Variants in SLC9A9 observed in about 807,000 individuals in gnomAD.
SLC9A9 encodes solute carrier family 9 member A9, also known as sodium/hydrogen exchanger 9.
In SLC9A9, 62 loss-of-function variants were observed where a neutral mutation model predicts 77.8. The ratio of observed to expected loss-of-function variants is 0.80; its 90% CI spans 0.65 to 0.98. The LOEUF is 0.98. Ranked by LOEUF, SLC9A9 falls within the 50% of genes least tolerant of loss-of-function variation. The probability of loss-of-function intolerance (pLI) is 0.00; values close to 1 mark genes in which losing one functional copy is unlikely to be tolerated. For synonymous variants in SLC9A9, 320 were observed against 283.5 expected, an observed-to-expected ratio of 1.13 and a Z score of -1.29; for missense variants, 775 against 774.9, an observed-to-expected ratio of 1.00 and a Z score of 0.00.
At chr3:143,785,635 G>A (rs923689094) in intron 4 of SLC9A9, among the ~76,000 whole-genome samples, 3 of 152,060 alleles carry the variant, frequency 2.0e-5, no homozygotes, top group African/African-American at 2.4e-5. Flanking sequence ...ATAGAAATAG[G>A]TAACTGATAT....
intron 6 of SLC9A9, among the ~76,000 whole-genome samples, chr3:143,621,361 C>A (rs955788908): frequency 2.6e-5 from 4 of 152,276 alleles, no homozygotes; most frequent in East Asian, 1.9e-4. Context: ...TGGGAGGCAC[C>A]CCCCAGTAGG....
At chr3:143,652,486 A>C (rs2038814254) in intron 5 of SLC9A9, 126 bp from the exon 6 acceptor site, 2 of 743,700 alleles carry the variant, frequency 2.7e-6, no homozygotes, top group East Asian at 5.4e-5. Flanking sequence ...CTATACTAAC[A>C]CCAGACCTTT....
chr3:143,371,736 G>A (rs2033063759), intron 13 of SLC9A9, among the ~76,000 whole-genome samples: 1 of 152,132 alleles, frequency 6.6e-6, no homozygotes, highest in South Asian at 2.1e-4. Context: ...GCAAGGGAAG[G>A]AAATAAAGGG....
intron 9 of SLC9A9, chr3:143,503,293 C>T (rs2035956842): frequency 3.5e-6 from 1 of 284,306 alleles, no homozygotes; most frequent in South Asian, 3.4e-5. Flanking sequence ...CCATGTGGAC[C>T]ATAAGGCCTC....
At chr3:143,509,206 G>A (rs981609393) in intron 9 of SLC9A9, among the ~76,000 whole-genome samples, 1 of 152,060 alleles carries the variant, frequency 6.6e-6, no homozygotes, top group Admixed American at 6.5e-5. Context: ...CAATGAAAAT[G>A]AAAGACAAAA....
At chr3:143,370,229 C>T (rs73144745) in intron 13 of SLC9A9, among the ~76,000 whole-genome samples, 18,670 of 152,096 alleles carry the variant, frequency 0.12, 1,303 homozygotes, top group East Asian at 0.16. Context: ...ATTGAAATAA[C>T]GATTTGGAAA....
At chr3:143,267,413 A>T (rs1323207629) in intron 15 of SLC9A9, among the ~76,000 whole-genome samples, 3 of 135,340 alleles carry the variant, frequency 2.2e-5, no homozygotes, top group Non-Finnish European at 4.5e-5. Flanking sequence ...CAGTGTTGCG[A>T]TCTCAGCTTA....
chr3:143,267,316 A>G (rs183970976), intron 15 of SLC9A9, among the ~76,000 whole-genome samples: 9 of 152,004 alleles, frequency 5.9e-5, no homozygotes, highest in African/African-American at 1.9e-4. Flanking sequence ...CCTGCCTATC[A>G]AAAAATCCTT....
chr3:143,625,022 A>T (rs1304417092), intron 6 of SLC9A9, among the ~76,000 whole-genome samples: 1 of 152,238 alleles, frequency 6.6e-6, no homozygotes, highest in Non-Finnish European at 1.5e-5. Flanking sequence ...CAATTGCTTC[A>T]AAGAGAATAA....
intron 11 of SLC9A9, among the ~76,000 whole-genome samples, chr3:143,473,848 A>G (rs997348449): frequency 2.0e-5 from 3 of 152,180 alleles, no homozygotes; most frequent in Non-Finnish European, 4.4e-5. Flanking sequence ...GGCCCTCTAG[A>G]TATGGGATGG....
intron 12 of SLC9A9, among the ~76,000 whole-genome samples, chr3:143,432,188 A>G (rs185894953): frequency 1.2e-4 from 19 of 152,326 alleles, no homozygotes; most frequent in Non-Finnish European, 1.9e-4. Context: ...TTTATTTCAA[A>G]TGCTCAGAAC....
chr3:143,278,714 A>T (rs1938125844), intron 14 of SLC9A9, among the ~76,000 whole-genome samples: 1 of 152,186 alleles, frequency 6.6e-6, no homozygotes, highest in Non-Finnish European at 1.5e-5. Flanking sequence ...TTAACTACAT[A>T]TATAAGTGAA....
At chr3:143,831,267 T>C (rs2009428239) in intron 2 of SLC9A9, among the ~76,000 whole-genome samples, 2 of 152,168 alleles carry the variant, frequency 1.3e-5, no homozygotes, top group Admixed American at 1.3e-4. Context: ...ACACACTTGT[T>C]AAACAGGAAT....
At chr3:143,802,023 C>T (rs2008576139) in intron 2 of SLC9A9, among the ~76,000 whole-genome samples, 1 of 152,180 alleles carries the variant, frequency 6.6e-6, no homozygotes, top group Non-Finnish European at 1.5e-5. Context: ...TCCCATTGCC[C>T]TCGGCAACGC....
At chr3:143,406,010 G>A (rs1208745747) in intron 12 of SLC9A9, among the ~76,000 whole-genome samples, 1 of 152,166 alleles carries the variant, frequency 6.6e-6, no homozygotes, top group Admixed American at 6.5e-5. Flanking sequence ...CTGCACAGAG[G>A]CATTCTGGAA....
intron 1 of SLC9A9, among the ~76,000 whole-genome samples, chr3:143,844,839 G>A (rs1187261380): frequency 6.7e-6 from 1 of 150,358 alleles, no homozygotes; most frequent in Admixed American, 6.7e-5. Flanking sequence ...CTGGAGTGAA[G>A]TGGCACAATC....
At chr3:143,354,591 G>A (rs2032541757) in intron 14 of SLC9A9, among the ~76,000 whole-genome samples, 1 of 152,190 alleles carries the variant, frequency 6.6e-6, no homozygotes, top group East Asian at 1.9e-4. Context: ...TCATGAGCTT[G>A]TTGGCAGCCT....
chr3:143,489,168 T>C (rs2035701038), intron 11 of SLC9A9, among the ~76,000 whole-genome samples: 2 of 151,822 alleles, frequency 1.3e-5, no homozygotes, highest in Non-Finnish European at 2.9e-5. Context: ...TACTTAGGAA[T>C]TAACTTAACC....
At chr3:143,765,193 CCTTTCTCTCTCTCTTT>C (rs777702281) in intron 4 of SLC9A9, among the ~76,000 whole-genome samples, 5 of 149,208 alleles carry the variant, frequency 3.4e-5, no homozygotes, top group Non-Finnish European at 5.9e-5. Flanking sequence ...ACCCTTCCTC[CCTTTCTCTCTCTCTTT>C]CTTTCTCTCT....
Sources: gnomAD v4.1 joint callset for allele counts (sites outside exome capture counted in the v4.1 genomes callset) on GRCh38, gnomAD v4.1.1 for gene constraint, MANE v1.5 for transcripts, NCBI Gene and HGNC (gene_info 2026-07-23, HGNC 2026-07-21) for gene names.